The following LNPEP variants were observed in gnomAD, a reference collection of about 807,000 sequenced individuals.
LNPEP encodes the protein leucyl-cystinyl aminopeptidase.
A neutral mutation model predicts 120.6 loss-of-function variants in LNPEP; 64 were observed. The observed-to-expected ratio is 0.53, with a 90% CI of 0.43 to 0.65. LNPEP has a LOEUF of 0.65. Among genes scored for constraint, LNPEP ranks in the 30% least tolerant of loss-of-function variants. The pLI is 0.00. For synonymous variants in LNPEP, 435 were observed against 425.4 expected (o/e 1.02, Z -0.28); for missense variants, 1,057 against 1,200.0 (o/e 0.88, Z 1.76).
At chr5:96,992,126 C>T (rs1211159681) in intron 4 of LNPEP, among the ~76,000 whole-genome samples, 4 of 151,984 alleles carry the variant, frequency 2.6e-5, no homozygotes, top group South Asian at 2.1e-4. Flanking sequence ...TATAGTTTGT[C>T]GCATCATATA....
At chr5:96,941,189 G>T (rs1163433812) in intron 1 of LNPEP, among the ~76,000 whole-genome samples, 2 of 152,150 alleles carry the variant, frequency 1.3e-5, no homozygotes, top group African/African-American at 2.4e-5. Flanking sequence ...TCACAATAGG[G>T]TTCGTGCTCC....
intron 1 of LNPEP, among the ~76,000 whole-genome samples, chr5:96,971,799 C>G (rs753812819): frequency 6.6e-6 from 1 of 151,854 alleles, no homozygotes; most frequent in African/African-American, 2.4e-5. Flanking sequence ...CATCTATTCA[C>G]ATATTCTCAT....
chr5:96,936,930 T>G (rs984563348), intron 1 of LNPEP: 1 of 152,174 alleles, frequency 6.6e-6, no homozygotes, highest in African/African-American at 2.4e-5. Context: ...CCACAGCCCT[T>G]CACTGAACGG....
chr5:96,983,186 A>G (rs1294385276), intron 2 of LNPEP, among the ~76,000 whole-genome samples: 2 of 151,924 alleles, frequency 1.3e-5, no homozygotes, highest in Non-Finnish European at 2.9e-5. Flanking sequence ...CAAATCTCAT[A>G]CTCTTTCTTT....
chr5:96,968,911 C>T (rs563740081), intron 1 of LNPEP, among the ~76,000 whole-genome samples: 2 of 152,136 alleles, frequency 1.3e-5, no homozygotes, highest in South Asian at 4.1e-4. Flanking sequence ...GGAAGCATGG[C>T]TGAGAGCTGA....
intron 1 of LNPEP, among the ~76,000 whole-genome samples, chr5:96,973,696 G>A (rs1789927109): frequency 6.6e-6 from 1 of 152,036 alleles, no homozygotes; most frequent in Non-Finnish European, 1.5e-5. Context: ...CTGGATTTTG[G>A]TTTCACAGGG....
intron 1 of LNPEP, among the ~76,000 whole-genome samples, chr5:96,949,877 CTTAAA>C (rs142483141): frequency 0.026 from 3,987 of 152,278 alleles, 171 homozygotes; most frequent in African/African-American, 0.091. Context: ...TGTTTGGACT[CTTAAA>C]TTAGAGGTCA....
chr5:96,986,103 G>T (rs1266372330), intron 3 of LNPEP, among the ~76,000 whole-genome samples: 2 of 152,052 alleles, frequency 1.3e-5, no homozygotes, highest in Non-Finnish European at 2.9e-5. Context: ...TTTCTTGGGG[G>T]TCCTCAACAT....
chr5:96,952,687 A>G (rs557913727), intron 1 of LNPEP, among the ~76,000 whole-genome samples: 1 of 152,306 alleles, frequency 6.6e-6, no homozygotes, highest in Admixed American at 6.5e-5. Flanking sequence ...GATTTTTCTT[A>G]AACTATTGCC....
intron 11 of LNPEP, chr5:97,010,955 C>T: frequency 1.0e-6 from 1 of 985,354 alleles, no homozygotes; most frequent in Non-Finnish European, 1.2e-6. Flanking sequence ...TGTCTTTGTG[C>T]TGTTGGCTGT....
chr5:97,024,693 A>G lies in LNPEP; in HGVS notation c.2723+11A>G, dbSNP rs967240947. ...GCGGAAGCTTTACTGGTATGAAATC[A>G]CCGAGGAATATGATATACAGAAACC... is the stretch of plus-strand genomic sequence containing the variant. On this transcript the variant is annotated intron_variant, in intron 15 of 17. Coordinates refer to ENST00000231368, the MANE Select transcript of LNPEP (RefSeq NM_005575.3). 14 of 1,610,222 alleles carry G rather than the reference A, an allele frequency of 8.7e-6. No homozygotes were observed. Among genetic ancestry groups the G allele is most frequent in the Admixed American group, 1.7e-5 (1 of 59,544 alleles).
At chr5:96,974,868 C>T (rs1291415645) in intron 1 of LNPEP, among the ~76,000 whole-genome samples, 1 of 152,058 alleles carries the variant, frequency 6.6e-6, no homozygotes, top group Non-Finnish European at 1.5e-5. Context: ...GATTTTCCTA[C>T]CTTTGGTCCA....
chr5:97,021,013 G>T (rs1459012050), intron 13 of LNPEP, among the ~76,000 whole-genome samples: 1 of 152,086 alleles, frequency 6.6e-6, no homozygotes, highest in Non-Finnish European at 1.5e-5. Flanking sequence ...TGAAAAAGGC[G>T]TCTGTTAGTA....
chr5:96,944,559 G>GTTTT (rs1491162241), intron 1 of LNPEP, among the ~76,000 whole-genome samples: 1 of 76,788 alleles, frequency 1.3e-5, no homozygotes, highest in Non-Finnish European at 2.8e-5. Flanking sequence ...TCTTATTTTT[G>GTTTT]CTTTTTTTTT....
intron 13 of LNPEP, among the ~76,000 whole-genome samples, chr5:97,016,201 T>C (rs887759909): frequency 7.9e-5 from 12 of 152,156 alleles, no homozygotes; most frequent in African/African-American, 2.9e-4. Flanking sequence ...TTCTAATGGT[T>C]AAGATTTTTA....
chr5:97,008,945 C>A (rs1790861094), intron 11 of LNPEP, among the ~76,000 whole-genome samples: 1 of 152,066 alleles, frequency 6.6e-6, no homozygotes, highest in Non-Finnish European at 1.5e-5. Context: ...AGCCACTGTG[C>A]CCACCCTCCT....
In LNPEP at chr5:97,006,438, A is replaced by G. The variant is rs761326897; in HGVS notation, c.1958A>G (p.His653Arg). 4 of 1,567,656 alleles carry G rather than the reference A, an allele frequency of 2.6e-6. No individual in the cohort carries two copies. Among genetic ancestry groups the G allele is most frequent in the East Asian group, 4.5e-5 (2 of 44,568 alleles). The stretch of plus-strand genomic sequence containing the variant: ...TTTTCTCTTTACAGCTACCTGTGGC[A>G]TATTCCACTATCCTATGTCACTGAA... ...IQPSDTSYLWHIPLSYVTEGR... is the reference protein window; with the variant it reads ...IQPSDTSYLWRIPLSYVTEGR... Residue 653 changes from histidine to arginine, a missense_variant, in exon 11 of 18, where the codon CAT (histidine) becomes CGT (arginine). His to Arg is a conservative substitution (Grantham distance 29). Transcript: ENST00000231368.
Position 96,979,795 on chromosome 5 carries a change from C to T in LNPEP, c.677C>T (p.Ser226Leu), listed in dbSNP as rs1790082255. The change falls in exon 2 of 18, where the codon TCA becomes TTA. Residue 226 changes from serine (S) to leucine (L), a missense_variant. Physicochemically the swap from Ser to Leu is moderately radical, Grantham distance 145. Coordinates refer to ENST00000231368, the MANE Select transcript of LNPEP (RefSeq NM_005575.3). ...ISRVTFMSAV[S>L]SQEKQAEILE... is the part of the protein sequence containing the mutation. The stretch of plus-strand genomic sequence containing the variant: ...AGAGTGACCTTTATGTCAGCAGTTT[C>T]AAGCCAAGAAAAACAAGCTGAGATC... The T allele has an allele frequency of 6.2e-7, 1 of 1,613,990 alleles. No individual in the cohort carries two copies. The highest frequency in any genetic ancestry group is 2.2e-5 in the East Asian group (1 of 44,880).
At chr5:97,004,004 A>T (rs531861072) in intron 9 of LNPEP, among the ~76,000 whole-genome samples, 1 of 152,280 alleles carries the variant, frequency 6.6e-6, no homozygotes, top group South Asian at 2.1e-4. Flanking sequence ...TAGATGATAC[A>T]TCACAAGCTG....
Sources: allele counts gnomAD v4.1 joint callset (sites outside exome capture counted in the v4.1 genomes callset), GRCh38; gene constraint gnomAD v4.1.1; transcripts MANE v1.5; gene names NCBI Gene and HGNC (gene_info 2026-07-23, HGNC 2026-07-21).